MND1: variants seen among roughly 807,000 people sequenced by gnomAD.
MND1 encodes the protein meiotic nuclear divisions 1.
In MND1, 28 loss-of-function variants were observed where a neutral mutation model predicts 35.1. The observed-to-expected ratio is 0.80, with a 90% CI of 0.59 to 1.09. The LOEUF (loss-of-function observed/expected upper bound fraction) is 1.09. MND1 is among the 50% of genes least tolerant of loss of function. The pLI is 0.00. For synonymous variants in MND1, 69 were observed against 70.5 expected (o/e 0.98, Z 0.11); for missense variants, 213 against 239.6 (o/e 0.89, Z 0.73).
chr4:153,371,469 T>A (rs992977525), intron 4 of MND1, among the ~76,000 whole-genome samples: 2 of 152,120 alleles, frequency 1.3e-5, no homozygotes, highest in Admixed American at 1.3e-4. Flanking sequence ...GATAACTTGC[T>A]TCACTTCATA....
At chr4:153,365,729 T>C (rs1442772228) in intron 4 of MND1, among the ~76,000 whole-genome samples, 2 of 151,996 alleles carry the variant, frequency 1.3e-5, no homozygotes, top group African/African-American at 2.4e-5. Context: ...CCTCGCAAAG[T>C]TCTGGGATTA....
chr4:153,413,192 G>C (rs933427351), intron 7 of MND1, among the ~76,000 whole-genome samples: 4 of 151,944 alleles, frequency 2.6e-5, no homozygotes, highest in African/African-American at 9.7e-5. Context: ...AAATTTGGGG[G>C]GAAATGATTC....
At chr4:153,383,502 AGT>A (rs1255416915) in intron 4 of MND1, among the ~76,000 whole-genome samples, 1 of 152,200 alleles carries the variant, frequency 6.6e-6, no homozygotes, top group African/African-American at 2.4e-5. Flanking sequence ...ATACTTGTTA[AGT>A]GTATTTCCTG....
intron 4 of MND1, among the ~76,000 whole-genome samples, chr4:153,380,510 C>T (rs1728646635): frequency 6.6e-6 from 1 of 152,152 alleles, no homozygotes; most frequent in African/African-American, 2.4e-5. Flanking sequence ...ATTCCTTGCT[C>T]ACACTGAAAG....
chr4:153,404,734 C>A (rs1443394487), intron 6 of MND1, among the ~76,000 whole-genome samples: 1 of 152,062 alleles, frequency 6.6e-6, no homozygotes, highest in Non-Finnish European at 1.5e-5. Flanking sequence ...CCGCCTCGGC[C>A]TCTGAAAGTG....
At chr4:153,404,769 A>G (rs186745501) in intron 6 of MND1, among the ~76,000 whole-genome samples, 1 of 152,110 alleles carries the variant, frequency 6.6e-6, no homozygotes, top group Admixed American at 6.6e-5. Context: ...ATGAGCCACC[A>G]CACCTGGCCC....
chr4:153,401,609 T>A (rs577012353), intron 6 of MND1, among the ~76,000 whole-genome samples: 2 of 152,046 alleles, frequency 1.3e-5, no homozygotes, highest in Admixed American at 6.5e-5. Flanking sequence ...TCAGCTATCA[T>A]GTTAACGCAG....
intron 4 of MND1, among the ~76,000 whole-genome samples, chr4:153,388,713 G>A (rs1160410355): frequency 6.6e-6 from 1 of 152,112 alleles, no homozygotes; most frequent in Non-Finnish European, 1.5e-5. Flanking sequence ...GCCCCAACCC[G>A]GGCCTTGCTC....
At chr4:153,408,821 T>G (rs1729591626) in intron 6 of MND1, 150 bp from the exon 7 acceptor site, 1 of 199,374 alleles carries the variant, frequency 5.0e-6, no homozygotes. Flanking sequence ...TATTTCAGCT[T>G]TTTTCATAGC....
At chr4:153,388,712 C>T (rs1440216451) in intron 4 of MND1, among the ~76,000 whole-genome samples, 2 of 152,206 alleles carry the variant, frequency 1.3e-5, no homozygotes, top group Non-Finnish European at 2.9e-5. Flanking sequence ...AGCCCCAACC[C>T]GGGCCTTGCT....
At chr4:153,348,037 C>T (rs1213284696) in intron 1 of MND1, among the ~76,000 whole-genome samples, 2 of 151,746 alleles carry the variant, frequency 1.3e-5, no homozygotes, top group African/African-American at 2.4e-5. Context: ...TTTCCCAGTG[C>T]GGAATGTGAA....
rs201296617 is a variant in MND1 at position 153,380,028 on chromosome 4, C to CA, written c.277-14226dup. Among the ~76,000 whole-genome samples the CA allele has an allele frequency of 8.4e-3, 1,276 of 151,262 alleles. 21 individuals carry two copies. Among genetic ancestry groups the CA allele is most frequent in the African/African-American group, 0.03 (1,220 of 41,260 alleles). ...AAAGCACGACCCTATCCCCCCATAC[C>CA]AAAAAAAATTATTCACTGTAGATGA... On this transcript the variant is annotated intron_variant, in intron 4 of 7. Transcript: ENST00000240488.
intron 4 of MND1, among the ~76,000 whole-genome samples, chr4:153,363,781 T>G (rs1210683575): frequency 6.6e-6 from 1 of 152,192 alleles, no homozygotes; most frequent in Non-Finnish European, 1.5e-5. Context: ...AGAAGTTACA[T>G]GATGATAAAT....
chr4:153,409,397 G>A (rs1392928716), intron 7 of MND1, among the ~76,000 whole-genome samples: 2 of 99,620 alleles, frequency 2.0e-5, no homozygotes, highest in Non-Finnish European at 4.1e-5. Context: ...AATAGCTAAG[G>A]TTTGTTGAGG....
intron 6 of MND1, among the ~76,000 whole-genome samples, chr4:153,406,114 T>G (rs1729503090): frequency 1.3e-5 from 2 of 152,186 alleles, no homozygotes; most frequent in Non-Finnish European, 2.9e-5. Context: ...TTATATTTCT[T>G]TATCCTTGGG....
intron 4 of MND1, among the ~76,000 whole-genome samples, chr4:153,363,278 C>T (rs1041472307): frequency 4.6e-5 from 7 of 151,064 alleles, no homozygotes; most frequent in Admixed American, 1.3e-4. Context: ...GAGGCACAAA[C>T]TCAGTTCACT....
chr4:153,396,844 T>C (rs988605297), intron 5 of MND1, among the ~76,000 whole-genome samples: 1 of 152,176 alleles, frequency 6.6e-6, no homozygotes, highest in Non-Finnish European at 1.5e-5. Flanking sequence ...TCTTAAAATG[T>C]TACTTACACA....
chr4:153,410,243 A>G (rs1729643994), intron 7 of MND1, among the ~76,000 whole-genome samples: 2 of 152,074 alleles, frequency 1.3e-5, no homozygotes, highest in South Asian at 2.1e-4. Flanking sequence ...CCAATTGATC[A>G]TAAACTTCCA....
At chr4:153,352,387 A>G (rs1022136248) in intron 2 of MND1, among the ~76,000 whole-genome samples, 2 of 152,206 alleles carry the variant, frequency 1.3e-5, no homozygotes, top group Non-Finnish European at 2.9e-5. Flanking sequence ...GTATAGCTCA[A>G]TAACTGAAAG....
Sources: gnomAD v4.1 joint callset for allele counts (sites outside exome capture counted in the v4.1 genomes callset) on GRCh38, gnomAD v4.1.1 for gene constraint, MANE v1.5 for transcripts, NCBI Gene and HGNC (gene_info 2026-07-23, HGNC 2026-07-21) for gene names.